Variants in HSPA12A observed in about 807,000 individuals in gnomAD.
HSPA12A encodes heat shock 70 kDa protein 12A.
In HSPA12A, 28 loss-of-function variants were observed where a neutral mutation model predicts 69.2. That is an observed-to-expected ratio of 0.40 (90% CI 0.30 to 0.55). The LOEUF (loss-of-function observed/expected upper bound fraction) is 0.55, where lower values mean the gene tolerates loss of function less well. HSPA12A is among the 20% of genes least tolerant of loss of function. HSPA12A has a pLI of 0.38. For synonymous variants in HSPA12A, 345 were observed against 370.5 expected (o/e 0.93, Z 0.79); for missense variants, 686 against 900.7 (o/e 0.76, Z 3.05).
rs78994475 is a variant in HSPA12A, at chr10:116,706,380, C to A, written c.126+820G>T. Among the ~76,000 whole-genome samples, 651 of 152,216 alleles carry A rather than the reference C, an allele frequency of 4.3e-3. 1 individual carries two copies. Among genetic ancestry groups the A allele is most frequent in the Middle Eastern group, 0.031 (9 of 294 alleles). ...AACTTCAGGGTGCAAAGCTTGAAAA[C>A]CACAGAACCTGGCCCTAGGGAACCA... On this transcript the variant is annotated intron_variant, in intron 2 of 11. Transcript: ENST00000369209.
At chr10:116,789,962 C>A (rs540500761) in intron 2 of HSPA12A, among the ~76,000 whole-genome samples, 1 of 152,128 alleles carries the variant, frequency 6.6e-6, no homozygotes, top group African/African-American at 2.4e-5. Flanking sequence ...ATTCCCTCCA[C>A]AGCAGCCAGT....
chr10:116,834,084 C>T (rs183497836), intron 2 of HSPA12A, among the ~76,000 whole-genome samples: 35 of 152,254 alleles, frequency 2.3e-4, no homozygotes, highest in African/African-American at 8.2e-4. Flanking sequence ...ATCATAGAAG[C>T]GCTCAGATCT....
chr10:116,683,632 A>C, intron 7 of HSPA12A, 159 bp downstream of exon 7: 1 of 571,082 alleles, frequency 1.8e-6, no homozygotes. Context: ...GGGGCCAGGT[A>C]GGGGGGCTGA....
chr10:116,693,710 C>CCT (rs1227712218), intron 5 of HSPA12A, among the ~76,000 whole-genome samples: 4 of 151,798 alleles, frequency 2.6e-5, no homozygotes, highest in African/African-American at 9.7e-5. Context: ...TCTGGCCCAC[C>CCT]CTCTCTCTCT....
At chr10:116,799,532 C>T (rs1844910616) in intron 2 of HSPA12A, among the ~76,000 whole-genome samples, 1 of 152,024 alleles carries the variant, frequency 6.6e-6, no homozygotes, top group Non-Finnish European at 1.5e-5. Flanking sequence ...CGCACAGACA[C>T]AATGGGGTTA....
chr10:116,793,811 G>A (rs1038776903), intron 2 of HSPA12A, among the ~76,000 whole-genome samples: 11 of 151,796 alleles, frequency 7.2e-5, no homozygotes, highest in South Asian at 2.1e-4. Flanking sequence ...AAAAAAAATC[G>A]AAAATATAAT....
intron 1 of HSPA12A, among the ~76,000 whole-genome samples, chr10:116,731,936 T>TG (rs1648074416): frequency 1.3e-5 from 2 of 151,988 alleles, no homozygotes; most frequent in African/African-American, 2.4e-5. Context: ...CATTTCAACA[T>TG]GGGGGTCACT....
intron 2 of HSPA12A, among the ~76,000 whole-genome samples, chr10:116,790,402 C>G (rs938416273): frequency 6.6e-5 from 10 of 152,104 alleles, no homozygotes; most frequent in African/African-American, 2.4e-4. Context: ...CACGCCCAGC[C>G]CCCTGATGAC....
chr10:116,799,504 C>T (rs576985911), intron 2 of HSPA12A, among the ~76,000 whole-genome samples: 11 of 152,250 alleles, frequency 7.2e-5, no homozygotes, highest in African/African-American at 2.2e-4. Flanking sequence ...TGCACACACA[C>T]GCACACGCAC....
intron 5 of HSPA12A, among the ~76,000 whole-genome samples, chr10:116,695,834 GA>G (rs200145945): frequency 1.0e-5 from 1 of 97,596 alleles, no homozygotes; most frequent in Non-Finnish European, 2.1e-5. Context: ...CAAAAACAAA[GA>G]AAAAAGAAAA....
intron 1 of HSPA12A, among the ~76,000 whole-genome samples, chr10:116,847,309 T>C (rs1002005354): frequency 2.0e-5 from 3 of 152,196 alleles, no homozygotes; most frequent in Admixed American, 6.5e-5. Flanking sequence ...ATTCCCATGG[T>C]TGCCATCAGT....
intron 2 of HSPA12A, among the ~76,000 whole-genome samples, chr10:116,824,618 C>T (rs749298617): frequency 2.6e-5 from 4 of 152,140 alleles, no homozygotes; most frequent in Non-Finnish European, 4.4e-5. Context: ...TGTAATCCCA[C>T]CACTTAGTGT....
chr10:116,765,881 T>C (rs6585415), intron 2 of HSPA12A, among the ~76,000 whole-genome samples: 56,221 of 152,090 alleles, frequency 0.37, 11,606 homozygotes, highest in African/African-American at 0.56. Context: ...AACAGGAACA[T>C]ACCATATGCT....
At chr10:116,683,022 G>A (rs1317871713) in intron 7 of HSPA12A, among the ~76,000 whole-genome samples, 1 of 151,906 alleles carries the variant, frequency 6.6e-6, no homozygotes, top group African/African-American at 2.4e-5. Flanking sequence ...TTTTCTTGCA[G>A]CCTGAAATTA....
At chr10:116,693,390 C>T (rs1371093621) in intron 5 of HSPA12A, among the ~76,000 whole-genome samples, 1 of 152,222 alleles carries the variant, frequency 6.6e-6, no homozygotes, top group Non-Finnish European at 1.5e-5. Context: ...TTCTTAGACT[C>T]AGTATTCCCA....
rs540740995 is a variant in HSPA12A, at chr10:116,723,940, T to A, written c.41-16655A>T. Among the ~76,000 whole-genome samples the A allele has an allele frequency of 1.3e-5, 2 of 152,204 alleles. No homozygotes were observed. The highest frequency in any genetic ancestry group is 2.9e-5 in the Non-Finnish European group (2 of 68,024). On this transcript the variant is annotated intron_variant, in intron 1 of 11. Transcript: ENST00000369209. The surrounding 1 kb of genome is among the most constrained non-coding windows in gnomAD (Gnocchi z 4.1). ...CCAGCGGGTCACCTGTACCCAGGCA[T>A]AGACAGCACTCTGCTGAGCCATCCA...
At position 116,811,585 on chromosome 10, in the gene HSPA12A, A is replaced by G. The variant is rs899645566; in HGVS notation, c.91+23350T>C. Reference sequence around the variant, plus strand: ...GATTCCTCTTTGCTTTTGTTAAAAAAAAAAAAAAAAAAAAAAAAAAGATTG... The same window carrying G: ...GATTCCTCTTTGCTTTTGTTAAAAAGAAAAAAAAAAAAAAAAAAAAGATTG... On this transcript the variant is annotated intron_variant, in intron 2 of 12. Transcript: ENST00000635765. Among the ~76,000 whole-genome samples the G allele has an allele frequency of 5.6e-3, 840 of 150,424 alleles. 15 individuals carry two copies. The highest frequency in any genetic ancestry group is 0.038 in the Admixed American group (573 of 15,002).
At chr10:116,817,636 G>C (rs758676299) in intron 2 of HSPA12A, among the ~76,000 whole-genome samples, 2 of 152,178 alleles carry the variant, frequency 1.3e-5, no homozygotes, top group East Asian at 3.9e-4. Flanking sequence ...ATAGAATGAA[G>C]AGAAGTGGAG....
intron 2 of HSPA12A, chr10:116,750,464 G>GA: frequency 1.8e-6 from 1 of 547,952 alleles, no homozygotes; most frequent in Non-Finnish European, 3.4e-6. Context: ...TGAAAACAAG[G>GA]AATTTAATGC....
Sources: gnomAD v4.1 joint callset for allele counts (sites outside exome capture counted in the v4.1 genomes callset) on GRCh38, gnomAD v4.1.1 for gene constraint, Gnocchi (gnomAD v3.1) non-coding constraint, MANE v1.5 for transcripts, NCBI Gene and HGNC (gene_info 2026-07-23, HGNC 2026-07-21) for gene names.